DENND5B: variants seen among roughly 807,000 people sequenced by gnomAD.
DENND5B encodes DENN domain containing 5B.
Under a neutral mutation model 140.6 loss-of-function variants are expected in DENND5B, and 34 were observed. The observed-to-expected ratio is 0.24, with a 90% confidence interval of 0.18 to 0.32. The LOEUF is 0.32. Ranked by LOEUF, DENND5B falls within the 10% of genes least tolerant of loss-of-function variation. DENND5B has a pLI of 1.00. For synonymous variants in DENND5B, 551 were observed against 562.1 expected, an observed-to-expected ratio of 0.98 and a Z score of 0.28; for missense variants, 1,142 against 1,560.2, an observed-to-expected ratio of 0.73 and a Z score of 4.52.
At chr12:31,510,752 A>C (rs1055159613) in intron 1 of DENND5B, among the ~76,000 whole-genome samples, 1 of 152,062 alleles carries the variant, frequency 6.6e-6, no homozygotes, top group Non-Finnish European at 1.5e-5. Context: ...AATTCAAGCA[A>C]CTCTCCCTAT....
chr12:31,402,527 G>C lies in DENND5B; in HGVS notation c.2920C>G (p.Pro974Ala). The C allele has an allele frequency of 6.2e-7, 1 of 1,613,398 alleles. No individual in the cohort carries two copies. The highest frequency in any genetic ancestry group is 8.5e-7 in the Non-Finnish European group (1 of 1,179,648). The change falls in exon 15 of 21, where the codon CCC (proline) becomes GCC (alanine). Residue 974 changes from proline (P) to alanine (A), a missense_variant. By Grantham distance (27) the Pro-to-Ala change is conservative. Transcript: ENST00000389082. ...AAGGTCATTTCGAGGAGGTTTTTGG[G>C]AATCTGCATTACTCCTGTGTCTCCC... ...ELGDTGVMQI[P>A]KNLLEMTFEC...
In DENND5B at chr12:31,545,726, G is replaced by A. The variant is rs368693164; in HGVS notation, c.127+44980C>T. On this transcript the variant is annotated intron_variant, in intron 1 of 20. Transcript: ENST00000389082. ...CCCAGCACTTTGGGAGGCTAAGCCA[G>A]GTGGATGGCTTGAGCCCAAGAGTTT... Among the ~76,000 whole-genome samples, 10 of 152,078 alleles carry A rather than the reference G, an allele frequency of 6.6e-5. No homozygotes were observed. The East Asian group carries it at 9.7e-4, about 15-fold the overall frequency.
chr12:31,400,145 G>C (rs541702372), intron 15 of DENND5B, among the ~76,000 whole-genome samples: 5 of 152,152 alleles, frequency 3.3e-5, no homozygotes, highest in African/African-American at 1.2e-4. Context: ...ACAGGAAAAA[G>C]ATGCTATTTA....
intron 1 of DENND5B, among the ~76,000 whole-genome samples, chr12:31,562,926 CTTT>C (rs36081364): frequency 6.1e-5 from 9 of 147,480 alleles, no homozygotes; most frequent in Admixed American, 2.0e-4. Flanking sequence ...TTCCTTTTTC[CTTT>C]TTTTTTTTTT....
intron 14 of DENND5B, among the ~76,000 whole-genome samples, chr12:31,404,645 G>T (rs1942012502): frequency 6.6e-6 from 1 of 151,882 alleles, no homozygotes; most frequent in African/African-American, 2.4e-5. Context: ...GTAGAGAAGG[G>T]GTTTTGACAT....
chr12:31,460,460 C>T, intron 3 of DENND5B, 79 bp from the exon 4 acceptor site: 6 of 1,427,788 alleles, frequency 4.2e-6, no homozygotes, highest in Admixed American at 2.4e-5. Flanking sequence ...AAATGTGGAT[C>T]TTAAGAAAAA....
chr12:31,410,346 ATACATTTAAT>A lies in DENND5B; in HGVS notation c.2682-972_2682-963del, dbSNP rs1565552339. On this transcript the variant is annotated intron_variant, in intron 13 of 20. Coordinates refer to ENST00000389082, the MANE Select transcript of DENND5B (RefSeq NM_144973.4). ...TTTCCCAAGTGTTTTATAGGTATTA[ATACATTTAAT>A]TCTCACTCTATGAGGTAAGTCTATT... Among the ~76,000 whole-genome samples, 4 of 152,164 alleles carry A rather than the reference ATACATTTAAT, an allele frequency of 2.6e-5. No homozygotes were observed. In the East Asian group the frequency reaches 7.7e-4, roughly 29 times the overall value.
At chr12:31,419,900 G>T (rs959633739) in intron 11 of DENND5B, 3 of 500,244 alleles carry the variant, frequency 6.0e-6, no homozygotes, top group Non-Finnish European at 7.6e-6. Context: ...TTGAACCCAG[G>T]AAGTGGAGGT....
chr12:31,395,634 T>A (rs976323159), intron 17 of DENND5B, among the ~76,000 whole-genome samples: 30 of 151,934 alleles, frequency 2.0e-4, no homozygotes, highest in African/African-American at 6.5e-4. Context: ...AAAACTGCAC[T>A]CATAGTTAAT....
At chr12:31,496,023 T>C in intron 1 of DENND5B, 104 bp from the exon 2 acceptor site, 1 of 697,060 alleles carries the variant, frequency 1.4e-6, no homozygotes, top group Non-Finnish European at 2.2e-6. Flanking sequence ...TGTTGAGATC[T>C]GATTCAATTT....
chr12:31,414,296 T>C lies in DENND5B; in HGVS notation c.2553-732A>G, dbSNP rs576791475. Reference sequence around the variant, plus strand: ...AAAATATTTAAAAGATAAAAGCCTCTGCCTTCCTCATTCAATAAATCTGTG... The same window carrying C: ...AAAATATTTAAAAGATAAAAGCCTCCGCCTTCCTCATTCAATAAATCTGTG... On this transcript the variant is annotated intron_variant, in intron 12 of 20. Transcript: ENST00000389082. Among the ~76,000 whole-genome samples the C allele has an allele frequency of 3.3e-5, 5 of 152,316 alleles. No homozygotes were observed. The South Asian group carries it at 1.0e-3, about 32-fold the overall frequency.
intron 1 of DENND5B, among the ~76,000 whole-genome samples, chr12:31,519,036 G>A (rs1434663634): frequency 6.6e-6 from 1 of 152,182 alleles, no homozygotes; most frequent in Non-Finnish European, 1.5e-5. Context: ...AAATCTATGG[G>A]AAGACTTTTG....
chr12:31,484,150 G>A lies in DENND5B; in HGVS notation c.238-3895C>T, dbSNP rs560481748. ...ATTACAGGTGTAAGCTACCCGACCCGGCCTCGAGCAATTTTCTTATTCAAG... is the reference window on the plus strand; with the variant it reads ...ATTACAGGTGTAAGCTACCCGACCCAGCCTCGAGCAATTTTCTTATTCAAG... On this transcript the variant is annotated intron_variant, in intron 2 of 20. Coordinates refer to ENST00000389082, the MANE Select transcript of DENND5B (RefSeq NM_144973.4). 8.5e-5 allele frequency among the ~76,000 whole-genome samples: 13 copies of A among 152,192 alleles called. No individual in the cohort carries two copies. In the South Asian group the frequency reaches 2.3e-3, roughly 27 times the overall value.
chr12:31,423,155 G>A (rs1288161964), intron 11 of DENND5B, among the ~76,000 whole-genome samples: 7 of 151,938 alleles, frequency 4.6e-5, no homozygotes, highest in Admixed American at 6.6e-5. Flanking sequence ...TGGCCAGGCT[G>A]GTCTCAAACT....
At chr12:31,406,052 G>A (rs1046438544) in intron 14 of DENND5B, among the ~76,000 whole-genome samples, 16 of 151,044 alleles carry the variant, frequency 1.1e-4, no homozygotes, top group African/African-American at 3.9e-4. Flanking sequence ...TCCCCATGTT[G>A]GCCAGGCTGG....
chr12:31,452,036 T>G lies in DENND5B; in HGVS notation c.1533A>C (p.Thr511=). ...ATGCTTCGTAATCTGCAAACATCTGTGTAAAACGGTTAGCAAAGACCTCTC... is the reference window on the plus strand; with the variant it reads ...ATGCTTCGTAATCTGCAAACATCTGGGTAAAACGGTTAGCAAAGACCTCTC... ...QLREVFANRF[T]QMFADYEAFV... is the part of the protein sequence containing the mutation. The change falls in exon 5 of 21, where the codon ACA becomes ACC. Residue 511 remains threonine (T), a synonymous_variant. Coordinates refer to ENST00000389082, the MANE Select transcript of DENND5B (RefSeq NM_144973.4). The G allele has an allele frequency of 6.2e-7, 1 of 1,613,952 alleles. No individual in the cohort carries two copies. The highest frequency in any genetic ancestry group is 8.5e-7 in the Non-Finnish European group (1 of 1,179,886).
At chr12:31,413,396 G>A in intron 13 of DENND5B, 40 bp downstream of exon 13, 3 of 1,595,248 alleles carry the variant, frequency 1.9e-6, no homozygotes, top group South Asian at 1.1e-5. Flanking sequence ...GTATGCACAT[G>A]GATTATAGAA....
At position 31,554,576 on chromosome 12, in the gene DENND5B, G is replaced by A. The variant is rs535399147; in HGVS notation, c.127+36130C>T. ...CTCTCTCGAGGAGTATCTTTGTCGCGTCCTCTGTATTTCCTGAATTTGAAT... is the reference window on the plus strand; with the variant it reads ...CTCTCTCGAGGAGTATCTTTGTCGCATCCTCTGTATTTCCTGAATTTGAAT... On this transcript the variant is annotated intron_variant, in intron 1 of 20. Transcript: ENST00000389082. Among the ~76,000 whole-genome samples, 18 of 152,192 alleles carry A rather than the reference G, an allele frequency of 1.2e-4. 1 individual carries two copies. The East Asian group carries it at 1.7e-3, about 15-fold the overall frequency.
At chr12:31,590,669 C>A in intron 1 of DENND5B, 37 bp downstream of exon 1, 1 of 1,441,274 alleles carries the variant, frequency 6.9e-7, no homozygotes, top group Non-Finnish European at 9.1e-7. Context: ...CCCCGCGCCC[C>A]TGAGGGGGCT....
Sources: gnomAD v4.1 joint callset for allele counts (sites outside exome capture counted in the v4.1 genomes callset) on GRCh38, gnomAD v4.1.1 for gene constraint, MANE v1.5 for transcripts, NCBI Gene and HGNC (gene_info 2026-07-23, HGNC 2026-07-21) for gene names.